The following NTM variants were observed in gnomAD, a reference collection of about 807,000 sequenced individuals.
NTM encodes the protein neurotrimin, also known as IgLON family member 2.
Under a neutral mutation model 42.1 loss-of-function variants are expected in NTM, and 13 were observed. That is an observed-to-expected ratio of 0.31 (90% CI 0.20 to 0.49). The LOEUF is 0.49. Ranked by LOEUF, NTM falls within the 20% of genes least tolerant of loss-of-function variation. The probability of loss-of-function intolerance (pLI) is 0.99; values close to 1 mark genes in which losing one functional copy is unlikely to be tolerated. For synonymous variants in NTM, 187 were observed against 179.2 expected (o/e 1.04, Z -0.35); for missense variants, 373 against 452.8 (o/e 0.82, Z 1.60).
At chr11:131,418,046 A>G (rs935833314) in intron 1 of NTM, among the ~76,000 whole-genome samples, 7 of 152,324 alleles carry the variant, frequency 4.6e-5, no homozygotes, top group Non-Finnish European at 7.3e-5. Context: ...AGGAGGCATC[A>G]TAGGATCATA....
At chr11:132,017,156 GT>G (rs2073563492) in intron 2 of NTM, among the ~76,000 whole-genome samples, 1 of 151,764 alleles carries the variant, frequency 6.6e-6, no homozygotes, top group Non-Finnish European at 1.5e-5. Flanking sequence ...ATGAAAGTCA[GT>G]TTATCACTTT....
intron 3 of NTM, among the ~76,000 whole-genome samples, chr11:132,210,628 C>A (rs1358468504): frequency 6.6e-6 from 1 of 152,172 alleles, no homozygotes; most frequent in Non-Finnish European, 1.5e-5. Context: ...GATAAGTAGA[C>A]ACATGGAACC....
At chr11:131,429,539 A>T (rs1948480657) in intron 1 of NTM, among the ~76,000 whole-genome samples, 1 of 152,206 alleles carries the variant, frequency 6.6e-6, no homozygotes, top group African/African-American at 2.4e-5. Flanking sequence ...AAGAATAATA[A>T]GGACAAAAAG....
chr11:132,066,890 A>G (rs1594281219), intron 2 of NTM, among the ~76,000 whole-genome samples: 2 of 152,102 alleles, frequency 1.3e-5, no homozygotes, highest in South Asian at 2.1e-4. Flanking sequence ...TCCTCCACCA[A>G]ACACACACCA....
intron 1 of NTM, chr11:131,536,135 C>A (rs977314999): frequency 6.6e-6 from 1 of 152,332 alleles, no homozygotes; most frequent in Admixed American, 6.5e-5. Flanking sequence ...TGCACCCCAA[C>A]AGCCATAGGA....
intron 2 of NTM, among the ~76,000 whole-genome samples, chr11:131,929,978 T>A (rs1199733693): frequency 6.6e-6 from 1 of 152,198 alleles, no homozygotes; most frequent in East Asian, 1.9e-4. Flanking sequence ...TTTAAACACT[T>A]TTTCATTGCT....
chr11:131,685,679 C>G (rs1266592726), intron 1 of NTM, among the ~76,000 whole-genome samples: 1 of 152,072 alleles, frequency 6.6e-6, no homozygotes, highest in Non-Finnish European at 1.5e-5. Context: ...CTCTCCTTAC[C>G]TTTTTTTAAA....
intron 1 of NTM, among the ~76,000 whole-genome samples, chr11:131,439,332 C>A (rs899917932): frequency 1.3e-5 from 2 of 152,220 alleles, no homozygotes; most frequent in Non-Finnish European, 2.9e-5. Flanking sequence ...AACCACTGCT[C>A]TCTTCAGAGC....
intron 1 of NTM, among the ~76,000 whole-genome samples, chr11:131,766,251 G>T (rs1330214836): frequency 1.3e-5 from 2 of 152,184 alleles, no homozygotes; most frequent in Non-Finnish European, 2.9e-5. Context: ...AAGCAAAGCA[G>T]GTTGCATTTT....
intron 1 of NTM, among the ~76,000 whole-genome samples, chr11:131,639,917 C>T (rs1239359510): frequency 6.6e-6 from 1 of 151,944 alleles, no homozygotes; most frequent in Non-Finnish European, 1.5e-5. Flanking sequence ...GATCACACCA[C>T]TGCACTCCAG....
chr11:131,801,738 C>A (rs2092131174), intron 1 of NTM, among the ~76,000 whole-genome samples: 1 of 152,128 alleles, frequency 6.6e-6, no homozygotes, highest in Non-Finnish European at 1.5e-5. Context: ...ATGACCTTTT[C>A]AATTAATGGT....
At chr11:132,052,082 T>C (rs2078931979) in intron 2 of NTM, among the ~76,000 whole-genome samples, 1 of 152,188 alleles carries the variant, frequency 6.6e-6, no homozygotes, top group South Asian at 2.1e-4. Context: ...AGGCCTTTTA[T>C]ATAGAAGCTA....
At chr11:132,251,766 A>G (rs1566581356) in intron 4 of NTM, among the ~76,000 whole-genome samples, 1 of 152,216 alleles carries the variant, frequency 6.6e-6, no homozygotes, top group Non-Finnish European at 1.5e-5. Context: ...AGTGGTACGT[A>G]TGAATGTGCC....
At chr11:131,950,141 A>C (rs1325504381) in intron 2 of NTM, among the ~76,000 whole-genome samples, 5 of 152,078 alleles carry the variant, frequency 3.3e-5, no homozygotes, top group Non-Finnish European at 7.4e-5. Flanking sequence ...CCCAGACTTT[A>C]AATCTGTCTT....
intron 1 of NTM, among the ~76,000 whole-genome samples, chr11:131,719,790 G>T (rs758658371): frequency 2.0e-5 from 3 of 152,166 alleles, no homozygotes; most frequent in African/African-American, 7.2e-5. Context: ...CCTCCGCTGG[G>T]AAATTCACTC....
At chr11:131,724,376 T>C (rs1316477480) in intron 1 of NTM, among the ~76,000 whole-genome samples, 5 of 152,174 alleles carry the variant, frequency 3.3e-5, no homozygotes, top group Non-Finnish European at 5.9e-5. Flanking sequence ...AAAACACATA[T>C]TGCCTACTGA....
At chr11:131,700,199 A>C (rs1455199530) in intron 1 of NTM, among the ~76,000 whole-genome samples, 1 of 152,202 alleles carries the variant, frequency 6.6e-6, no homozygotes, top group Non-Finnish European at 1.5e-5. Context: ...TTACCAGCCA[A>C]AAAATTGTCT....
At chr11:131,691,510 C>T (rs529039074) in intron 1 of NTM, among the ~76,000 whole-genome samples, 1 of 152,010 alleles carries the variant, frequency 6.6e-6, no homozygotes, top group Admixed American at 6.5e-5. Context: ...TGGCCCCCCG[C>T]CAAGGCGATG....
chr11:131,579,093 T>C (rs1342761870), intron 1 of NTM, among the ~76,000 whole-genome samples: 6 of 152,168 alleles, frequency 3.9e-5, no homozygotes, highest in African/African-American at 1.2e-4. Context: ...TGCTGTTCTT[T>C]AAATCTCTTG....
Sources: allele counts gnomAD v4.1 joint callset (sites outside exome capture counted in the v4.1 genomes callset), GRCh38; gene constraint gnomAD v4.1.1; transcripts MANE v1.5; gene names NCBI Gene and HGNC (gene_info 2026-07-23, HGNC 2026-07-21).